Variants in TRMT11 observed in about 807,000 individuals in gnomAD.
The protein encoded by TRMT11 is tRNA (guanine(10)-N(2))-methyltransferase TRMT11.
TRMT11 carries 53 observed loss-of-function variants against 62.8 expected under a neutral mutation model. The observed-to-expected ratio is 0.84, with a 90% CI of 0.68 to 1.06. The LOEUF (loss-of-function observed/expected upper bound fraction) is 1.06, where lower values mean the gene tolerates loss of function less well. TRMT11 is among the 50% of genes least tolerant of loss of function. The pLI is 0.00. For missense variants in TRMT11, 556 were observed against 553.4 expected (o/e 1.00, Z -0.05); for synonymous variants, 188 against 190.3 (o/e 0.99, Z 0.10).
intron 12 of TRMT11, among the ~76,000 whole-genome samples, chr6:126,029,293 T>A (rs1030784378): frequency 6.6e-6 from 1 of 152,204 alleles, no homozygotes; most frequent in African/African-American, 2.4e-5. Context: ...TTAGTAATTA[T>A]AAAGTGAACA....
chr6:126,104,792 GA>G (rs1422183555), intron 17 of TRMT11, among the ~76,000 whole-genome samples: 1 of 152,004 alleles, frequency 6.6e-6, no homozygotes, highest in Non-Finnish European at 1.5e-5. Context: ...ATTGTTTAAA[GA>G]CCTTAATCTT....
chr6:126,024,738 G>A (rs1469512709), intron 12 of TRMT11, among the ~76,000 whole-genome samples: 1 of 152,176 alleles, frequency 6.6e-6, no homozygotes, highest in East Asian at 1.9e-4. Flanking sequence ...TTGAATAAGA[G>A]GAGTCTGTTG....
chr6:126,106,935 T>A (rs1333799524), intron 17 of TRMT11, among the ~76,000 whole-genome samples: 3 of 115,870 alleles, frequency 2.6e-5, no homozygotes, highest in Non-Finnish European at 4.9e-5. Context: ...CCTCTCTCTC[T>A]CAAAAAAAAA....
At chr6:126,019,257 TTAATA>T (rs1239603202) in intron 11 of TRMT11, among the ~76,000 whole-genome samples, 1 of 152,200 alleles carries the variant, frequency 6.6e-6, no homozygotes, top group Non-Finnish European at 1.5e-5. Context: ...AATTGGCTCA[TTAATA>T]TAATAGATTA....
At chr6:126,024,251 CTG>C (rs1796222348) in intron 12 of TRMT11, among the ~76,000 whole-genome samples, 1 of 152,206 alleles carries the variant, frequency 6.6e-6, no homozygotes, top group Admixed American at 6.5e-5. Flanking sequence ...ATACCACAGA[CTG>C]GGCAACTTAA....
chr6:126,134,958 C>A (rs1171071007), intron 21 of TRMT11, among the ~76,000 whole-genome samples: 1 of 151,506 alleles, frequency 6.6e-6, no homozygotes, highest in African/African-American at 2.4e-5. Flanking sequence ...AAAGACAGAA[C>A]ACAACACACC....
At chr6:126,247,312 G>A in the TRMT11 span, among the ~76,000 whole-genome samples, 2 of 151,642 alleles carry the variant, frequency 1.3e-5, no homozygotes, top group South Asian at 4.2e-4. Flanking sequence ...CATAACAGAG[G>A]AGAAATAATC....
chr6:126,078,052 T>C (rs958506510), intron 17 of TRMT11, among the ~76,000 whole-genome samples: 1 of 152,212 alleles, frequency 6.6e-6, no homozygotes. Flanking sequence ...ACAGGGTTTG[T>C]ATTCTACTTA....
At chr6:126,210,118 C>G in the TRMT11 span, among the ~76,000 whole-genome samples, 1 of 152,070 alleles carries the variant, frequency 6.6e-6, no homozygotes. Flanking sequence ...GACTTAGGTC[C>G]CTAGTAAGAT....
At chr6:126,154,380 AAAG>A (rs1263278168) in intron 21 of TRMT11, among the ~76,000 whole-genome samples, 1 of 151,864 alleles carries the variant, frequency 6.6e-6, no homozygotes, top group Non-Finnish European at 1.5e-5. Context: ...GCAGAAGTTT[AAAG>A]AAGATGAAGT....
At position 126,008,449 on chromosome 6, in the gene TRMT11, A is replaced by G; in HGVS notation, c.737A>G (p.Asp246Gly). The change falls in exon 8 of 13, where the codon GAC becomes GGC. Residue 246 changes from aspartate to glycine, a missense_variant. Asp to Gly is a moderately conservative substitution (Grantham distance 94). Transcript: ENST00000334379. ...FGAYVYGTDI[D>G]YNTVHGLGKA... is the part of the protein sequence containing the mutation. ...GCATATGTGTATGGGACAGACATAG[A>G]CTACAACACAGTTCATGGCTTGGGT... The G allele has an allele frequency of 6.2e-7, 1 of 1,612,970 alleles. No homozygotes were observed. The highest frequency in any genetic ancestry group is 1.1e-5 in the South Asian group (1 of 91,054).
intron 7 of TRMT11, among the ~76,000 whole-genome samples, chr6:126,005,021 G>T (rs923377402): frequency 2.6e-5 from 4 of 152,010 alleles, no homozygotes; most frequent in African/African-American, 9.7e-5. Context: ...TCCCAAAGGG[G>T]AAGAGACATA....
the TRMT11 span, among the ~76,000 whole-genome samples, chr6:126,268,393 G>A: frequency 9.2e-5 from 14 of 152,296 alleles, no homozygotes; most frequent in South Asian, 6.2e-4. Flanking sequence ...AGCTGGGGAG[G>A]TGAACTTTTA....
the TRMT11 span, among the ~76,000 whole-genome samples, chr6:126,260,340 T>A: frequency 6.6e-6 from 1 of 152,224 alleles, no homozygotes; most frequent in South Asian, 2.1e-4. Flanking sequence ...CTCCTTTCAA[T>A]TTAAATTTTA....
chr6:126,013,085 C>A lies in TRMT11; in HGVS notation c.1123C>A (p.Pro375Thr), dbSNP rs1414435273. Reference sequence around the variant, plus strand: ...AGGTGGAAGACTAGTCTATTGGTTACCGGTGTATACGCCAGAGTATGTAAT... The same window carrying A: ...AGGTGGAAGACTAGTCTATTGGTTAACGGTGTATACGCCAGAGTATGTAAT... ...VLGGRLVYWL[P>T]VYTPEYTEEM... The change falls in exon 11 of 13, where the codon CCG (proline) becomes ACG (threonine). Residue 375 changes from proline (P) to threonine (T), a missense_variant. Coordinates refer to ENST00000334379, the MANE Select transcript of TRMT11 (RefSeq NM_001031712.3). 6 of 1,613,298 alleles carry A rather than the reference C, an allele frequency of 3.7e-6. No homozygotes were observed. The highest frequency in any genetic ancestry group is 4.2e-6 in the Non-Finnish European group (5 of 1,179,736).
chr6:126,169,586 C>T (rs1189773843), intron 21 of TRMT11, among the ~76,000 whole-genome samples: 1 of 152,192 alleles, frequency 6.6e-6, no homozygotes, highest in Non-Finnish European at 1.5e-5. Flanking sequence ...TCAAAAAAGC[C>T]TGTCTCTCAT....
rs150881934 is a variant in TRMT11 at position 126,065,992 on chromosome 6, C to T, written c.*1437+12802C>T. ...TGCTAGACAAAGATGGGAATATCCT[C>T]GGTGCCTGCATAGCTATTTACATTT... is the stretch of plus-strand genomic sequence containing the variant. On this transcript the variant is annotated intron_variant and NMD_transcript_variant, in intron 17 of 22. Transcript: ENST00000648977. 1.2e-4 allele frequency among the ~76,000 whole-genome samples: 18 copies of T among 152,350 alleles called. No homozygotes were observed. In the East Asian group the frequency reaches 2.3e-3, roughly 20 times the overall value.
the TRMT11 span, among the ~76,000 whole-genome samples, chr6:126,241,290 G>T: frequency 6.6e-6 from 1 of 152,118 alleles, no homozygotes; most frequent in African/African-American, 2.4e-5. Context: ...TGTCGCTCAC[G>T]CTGGGAGCTG....
intron 7 of TRMT11, among the ~76,000 whole-genome samples, chr6:126,000,586 A>G (rs1792305862): frequency 1.3e-5 from 2 of 151,980 alleles, no homozygotes; most frequent in Admixed American, 6.6e-5. Context: ...AAGCAGTCCA[A>G]CTCCAGAGCT....
Sources: allele counts gnomAD v4.1 joint callset (sites outside exome capture counted in the v4.1 genomes callset), GRCh38; gene constraint gnomAD v4.1.1; transcripts MANE v1.5; gene names NCBI Gene and HGNC (gene_info 2026-07-23, HGNC 2026-07-21).